CCSER1: variants seen among roughly 807,000 people sequenced by gnomAD.
CCSER1 encodes coiled-coil serine rich protein 1.
In CCSER1, 41 loss-of-function variants were observed where a neutral mutation model predicts 82.0. That is an observed-to-expected ratio of 0.50 (90% confidence interval 0.39 to 0.65). CCSER1 has a LOEUF of 0.65. Among genes scored for constraint, CCSER1 ranks in the 30% least tolerant of loss-of-function variants. The pLI, the probability that CCSER1 is intolerant of heterozygous loss-of-function variation, is 0.00. For synonymous variants in CCSER1, 414 were observed against 383.9 expected (o/e 1.08, Z -0.92); for missense variants, 1,119 against 1,064.2 (o/e 1.05, Z -0.72).
chr4:90,228,129 A>G (rs1443308893), intron 1 of CCSER1, among the ~76,000 whole-genome samples: 2 of 152,120 alleles, frequency 1.3e-5, no homozygotes, highest in East Asian at 1.9e-4. Flanking sequence ...CCACAGCTCA[A>G]GGAGGCCTGC....
chr4:91,120,111 TTAA>T (rs1238351943), intron 10 of CCSER1, among the ~76,000 whole-genome samples: 1 of 151,996 alleles, frequency 6.6e-6, no homozygotes, highest in African/African-American at 2.4e-5. Flanking sequence ...CTTCGATTGT[TTAA>T]TAATAATTTG....
At chr4:91,444,499 G>GA (rs1455997764) in intron 10 of CCSER1, among the ~76,000 whole-genome samples, 1 of 151,846 alleles carries the variant, frequency 6.6e-6, no homozygotes, top group Non-Finnish European at 1.5e-5. Context: ...ACCCAGGCTG[G>GA]AGTGCAATGG....
chr4:90,633,770 C>T (rs1262653964), intron 6 of CCSER1, among the ~76,000 whole-genome samples: 1 of 151,878 alleles, frequency 6.6e-6, no homozygotes, highest in Non-Finnish European at 1.5e-5. Flanking sequence ...GTCTGTCGAC[C>T]TCCTAGATTT....
chr4:91,426,114 C>A (rs1204755472), intron 10 of CCSER1, among the ~76,000 whole-genome samples: 1 of 152,110 alleles, frequency 6.6e-6, no homozygotes, highest in Non-Finnish European at 1.5e-5. Context: ...GTTCAACTCC[C>A]ACTATGAGTG....
chr4:90,865,014 G>A (rs2150003978), intron 8 of CCSER1, among the ~76,000 whole-genome samples: 1 of 152,032 alleles, frequency 6.6e-6, no homozygotes, highest in Non-Finnish European at 1.5e-5. Flanking sequence ...AATGTCATAA[G>A]ACCCTTAGGT....
intron 8 of CCSER1, among the ~76,000 whole-genome samples, chr4:90,922,964 A>G (rs541730153): frequency 3.3e-4 from 51 of 152,276 alleles, no homozygotes; most frequent in African/African-American, 1.1e-3. Context: ...AACAAACTGA[A>G]TAGAATCCAT....
chr4:90,769,991 G>C (rs1751829951), intron 7 of CCSER1, among the ~76,000 whole-genome samples: 1 of 152,130 alleles, frequency 6.6e-6, no homozygotes, highest in Admixed American at 6.5e-5. Context: ...CAACGGAACT[G>C]ATGGAAAGCT....
intron 9 of CCSER1, among the ~76,000 whole-genome samples, chr4:91,037,210 T>G (rs1346179121): frequency 6.7e-6 from 1 of 150,098 alleles, no homozygotes; most frequent in Non-Finnish European, 1.5e-5. Flanking sequence ...CAACACACAA[T>G]CTTTGTGTCT....
At chr4:90,544,973 A>G (rs1776587980) in intron 5 of CCSER1, among the ~76,000 whole-genome samples, 2 of 152,144 alleles carry the variant, frequency 1.3e-5, no homozygotes, top group African/African-American at 4.8e-5. Flanking sequence ...ATTTCTGAAA[A>G]AAATAGTCCT....
At chr4:91,221,695 A>G (rs1361718571) in intron 10 of CCSER1, among the ~76,000 whole-genome samples, 1 of 152,158 alleles carries the variant, frequency 6.6e-6, no homozygotes, top group Non-Finnish European at 1.5e-5. Flanking sequence ...TAAGTTTAAA[A>G]TTGAGGTTAA....
intron 5 of CCSER1, among the ~76,000 whole-genome samples, chr4:90,489,259 A>G (rs1378088769): frequency 6.6e-6 from 1 of 152,198 alleles, no homozygotes; most frequent in Non-Finnish European, 1.5e-5. Context: ...GCATAGAGAA[A>G]TGGTATATGA....
At chr4:90,930,560 C>A (rs1260465584) in intron 9 of CCSER1, among the ~76,000 whole-genome samples, 1 of 151,696 alleles carries the variant, frequency 6.6e-6, no homozygotes, top group Non-Finnish European at 1.5e-5. Flanking sequence ...TTGCAGTGAG[C>A]CGAGATCGTG....
At position 90,818,470 on chromosome 4, in the gene CCSER1, GT is replaced by G. The variant is rs532582406; in HGVS notation, c.2094+2628del. Among the ~76,000 whole-genome samples the G allele has an allele frequency of 3.9e-4, 59 of 152,066 alleles. 1 individual carries two copies. The South Asian group carries it at 0.012, about 32-fold the overall frequency. On this transcript the variant is annotated intron_variant, in intron 8 of 10. Coordinates refer to ENST00000509176, the MANE Select transcript of CCSER1 (RefSeq NM_001145065.2). ...TTTTTGTATTTTTAGTAGAGACGAG[GT>G]TTCGCCATGTTGGCTAGCTGGTCTT...
chr4:90,486,072 A>G lies in CCSER1; in HGVS notation c.1724+17718A>G, dbSNP rs1413344389. 2.0e-5 allele frequency among the ~76,000 whole-genome samples: 3 copies of G among 152,198 alleles called. No individual in the cohort carries two copies. The East Asian group carries it at 5.8e-4, about 29-fold the overall frequency. On this transcript the variant is annotated intron_variant, in intron 5 of 10. Coordinates refer to ENST00000509176, the MANE Select transcript of CCSER1 (RefSeq NM_001145065.2). ...CTAATCAACAATTGTAGATGTTCAC[A>G]AATCAGAGGTCCTTTATTGTTTCAC...
chr4:90,260,292 TG>T (rs1382634546), intron 1 of CCSER1, among the ~76,000 whole-genome samples: 1 of 152,178 alleles, frequency 6.6e-6, no homozygotes, highest in Non-Finnish European at 1.5e-5. Flanking sequence ...TTTGTATTTT[TG>T]TGGTATTGGT....
At chr4:91,557,384 T>C (rs1466361727) in intron 10 of CCSER1, among the ~76,000 whole-genome samples, 2 of 151,528 alleles carry the variant, frequency 1.3e-5, no homozygotes, top group Non-Finnish European at 3.0e-5. Flanking sequence ...ATTTTTTAAA[T>C]TCATTTTTAA....
chr4:90,737,856 C>T (rs1342979036), intron 7 of CCSER1, among the ~76,000 whole-genome samples: 1 of 152,046 alleles, frequency 6.6e-6, no homozygotes, highest in Non-Finnish European at 1.5e-5. Flanking sequence ...CTTTTTTATT[C>T]TCCTTGATCA....
At chr4:91,568,762 A>G (rs181142541) in intron 10 of CCSER1, among the ~76,000 whole-genome samples, 211 of 151,704 alleles carry the variant, frequency 1.4e-3, no homozygotes, top group African/African-American at 4.8e-3. Flanking sequence ...TCTGATTCTT[A>G]TTTTCCTTAG....
At chr4:90,662,537 C>G (rs936065494) in intron 6 of CCSER1, among the ~76,000 whole-genome samples, 3 of 152,020 alleles carry the variant, frequency 2.0e-5, no homozygotes, top group African/African-American at 7.2e-5. Context: ...TTTTTAGTCT[C>G]ATATACTAAG....
Sources: allele counts gnomAD v4.1 joint callset (sites outside exome capture counted in the v4.1 genomes callset), GRCh38; gene constraint gnomAD v4.1.1; transcripts MANE v1.5; gene names NCBI Gene and HGNC (gene_info 2026-07-23, HGNC 2026-07-21).